Variants in WAPL observed in about 807,000 individuals in gnomAD.
WAPL encodes the protein wings apart-like protein homolog.
In WAPL, 5 loss-of-function variants were observed where a neutral mutation model predicts 121.0. The ratio of observed to expected loss-of-function variants is 0.04; its 90% CI spans 0.02 to 0.09. The LOEUF is 0.09. Ranked by LOEUF, WAPL falls within the 10% of genes least tolerant of loss-of-function variation. The pLI is 1.00. For synonymous variants in WAPL, 480 were observed against 481.5 expected (o/e 1.00, Z 0.04); for missense variants, 999 against 1,410.8 (o/e 0.71, Z 4.68).
At chr10:86,466,700 G>C (rs1373122904) in intron 9 of WAPL, among the ~76,000 whole-genome samples, 3 of 152,110 alleles carry the variant, frequency 2.0e-5, no homozygotes, top group Non-Finnish European at 4.4e-5. Flanking sequence ...TATACATGTA[G>C]TTTCTACCTT....
intron 4 of WAPL, among the ~76,000 whole-genome samples, chr10:86,479,002 G>A (rs10887615): frequency 0.87 from 132,665 of 151,796 alleles, 58,420 homozygotes; most frequent in Non-Finnish European, 0.92. Flanking sequence ...GGAGGCTGAG[G>A]AAGGAGAATC....
intron 3 of WAPL, among the ~76,000 whole-genome samples, chr10:86,499,456 CTA>C (rs1444695000): frequency 1.3e-5 from 2 of 152,124 alleles, no homozygotes; most frequent in African/African-American, 2.4e-5. Context: ...CCTGTATATA[CTA>C]TGTTTTTTCG....
intron 2 of WAPL, among the ~76,000 whole-genome samples, chr10:86,516,803 C>A (rs1027600072): frequency 2.0e-5 from 3 of 151,970 alleles, no homozygotes; most frequent in African/African-American, 7.2e-5. Flanking sequence ...TCTATCAACA[C>A]AGCCGGGCAC....
At chr10:86,514,718 T>C (rs1260249645) in intron 2 of WAPL, among the ~76,000 whole-genome samples, 1 of 152,184 alleles carries the variant, frequency 6.6e-6, no homozygotes, top group Non-Finnish European at 1.5e-5. Flanking sequence ...TAAAGATATA[T>C]TGTCCGCAAA....
chr10:86,444,530 C>T (rs1217964081), intron 16 of WAPL, among the ~76,000 whole-genome samples: 1 of 152,158 alleles, frequency 6.6e-6, no homozygotes, highest in African/African-American at 2.4e-5. Context: ...CACGGATGAA[C>T]TTTGAAAACA....
intron 16 of WAPL, among the ~76,000 whole-genome samples, 168 bp downstream of exon 16, chr10:86,446,074 G>A (rs184448748): frequency 1.3e-3 from 192 of 152,226 alleles, no homozygotes; most frequent in African/African-American, 4.3e-3. Flanking sequence ...TCCTCACTGT[G>A]GGAGAACTAC....
chr10:86,516,327 GAA>G (rs779834469), intron 2 of WAPL, among the ~76,000 whole-genome samples: 38 of 152,258 alleles, frequency 2.5e-4, no homozygotes, highest in African/African-American at 7.2e-4. Context: ...CCAAGAGTGA[GAA>G]AAAGAGTGAA....
intron 9 of WAPL, 65 bp downstream of exon 9, chr10:86,467,214 C>T: frequency 6.8e-7 from 1 of 1,463,454 alleles, no homozygotes; most frequent in South Asian, 1.2e-5. Context: ...CACACAGCTA[C>T]TGCAACTAAC....
chr10:86,478,173 T>C (rs1291170981), intron 4 of WAPL, among the ~76,000 whole-genome samples: 2 of 150,610 alleles, frequency 1.3e-5, no homozygotes. Context: ...CTCTCACCCA[T>C]AATCCCAGCA....
chr10:86,477,439 T>C (rs887899249), intron 4 of WAPL, among the ~76,000 whole-genome samples: 2 of 152,212 alleles, frequency 1.3e-5, no homozygotes, highest in African/African-American at 4.8e-5. Context: ...CCTAGCTAAA[T>C]GTTAACAGAG....
chr10:86,505,437 T>A (rs1352267336), intron 2 of WAPL, among the ~76,000 whole-genome samples: 2 of 149,026 alleles, frequency 1.3e-5, no homozygotes, highest in Non-Finnish European at 3.0e-5. Context: ...CAGGCGCGAG[T>A]CACCATTCCC....
Position 86,495,473 on chromosome 10 carries a change from G to C in WAPL, c.1644+1728C>G, listed in dbSNP as rs974239562. ...GAGTGAGACCATCTCAAAAAAAAAA[G>C]AGGAGGAGGAATAAAGTTGGCCCTA... On this transcript the variant is annotated intron_variant, in intron 4 of 18. Coordinates refer to ENST00000298767, the MANE Select transcript of WAPL (RefSeq NM_015045.5). Among the ~76,000 whole-genome samples, 11 of 151,506 alleles carry C rather than the reference G, an allele frequency of 7.3e-5. No individual in the cohort carries two copies. In the East Asian group the frequency reaches 2.1e-3, roughly 29 times the overall value.
chr10:86,440,579 G>A (rs369586935), intron 17 of WAPL, among the ~76,000 whole-genome samples: 2 of 152,222 alleles, frequency 1.3e-5, no homozygotes, highest in South Asian at 2.1e-4. Context: ...GATTACAGGC[G>A]TGAGCCACTG....
chr10:86,458,093 TA>T (rs1398756761), intron 12 of WAPL, among the ~76,000 whole-genome samples: 2 of 152,238 alleles, frequency 1.3e-5, no homozygotes, highest in Non-Finnish European at 2.9e-5. Context: ...GGGCCTTTGA[TA>T]AGGCTGACTT....
intron 17 of WAPL, among the ~76,000 whole-genome samples, chr10:86,441,567 A>C (rs1849471587): frequency 7.5e-6 from 1 of 133,230 alleles, no homozygotes; most frequent in Non-Finnish European, 1.7e-5. Context: ...CAGCCAATGC[A>C]CCTATGAAAA....
At chr10:86,501,070 G>A (rs920997370) in intron 2 of WAPL, among the ~76,000 whole-genome samples, 2 of 152,076 alleles carry the variant, frequency 1.3e-5, no homozygotes, top group Admixed American at 6.5e-5. Flanking sequence ...GGGGTATTAT[G>A]GGCTTTTCAA....
intron 1 of WAPL, among the ~76,000 whole-genome samples, chr10:86,519,719 TCTC>T (rs1212548775): frequency 2.0e-5 from 3 of 152,162 alleles, no homozygotes; most frequent in Non-Finnish European, 4.4e-5. Flanking sequence ...AAAAATCGAT[TCTC>T]TGTTCCTTCA....
In WAPL at chr10:86,500,410, G is replaced by T. The variant is rs1386792774; in HGVS notation, c.833C>A (p.Ala278Asp). ...FKNRLENLNE[A>D]IEEDIVQSVL... is the part of the protein sequence containing the mutation. Reference sequence around the variant, plus strand: ...ACTTTGTACAATATCTTCCTCAATGGCTTCATTCAGATTTTCCAATCGATT... The same window carrying T: ...ACTTTGTACAATATCTTCCTCAATGTCTTCATTCAGATTTTCCAATCGATT... Residue 278 changes from alanine to aspartate, a missense_variant, in exon 3 of 19, where the codon GCC becomes GAC. Physicochemically the swap from Ala to Asp is moderately radical, Grantham distance 126. Transcript: ENST00000298767. The T allele has an allele frequency of 6.2e-7, 1 of 1,614,150 alleles. No individual in the cohort carries two copies.
At chr10:86,515,192 C>T (rs1044380070) in intron 2 of WAPL, among the ~76,000 whole-genome samples, 1 of 150,526 alleles carries the variant, frequency 6.6e-6, no homozygotes. Flanking sequence ...ACCCGAGAGG[C>T]GGAGGTTGCA....
Sources: gnomAD v4.1 joint callset for allele counts (sites outside exome capture counted in the v4.1 genomes callset) on GRCh38, gnomAD v4.1.1 for gene constraint, MANE v1.5 for transcripts, NCBI Gene and HGNC (gene_info 2026-07-23, HGNC 2026-07-21) for gene names.